Variants in PCDHA1 observed in about 807,000 individuals in gnomAD.
The protein encoded by PCDHA1 is protocadherin alpha 1.
Under a neutral mutation model 61.3 loss-of-function variants are expected in PCDHA1, and 42 were observed. The ratio of observed to expected loss-of-function variants is 0.69; its 90% confidence interval spans 0.54 to 0.89. PCDHA1 has a LOEUF of 0.89. PCDHA1 is among the 40% of genes least tolerant of loss of function. PCDHA1 has a pLI of 0.00. For missense variants in PCDHA1, 1,256 were observed against 1,235.3 expected (o/e 1.02, Z -0.25); for synonymous variants, 610 against 553.8 (o/e 1.10, Z -1.43).
intron 1 of PCDHA1, chr5:140,842,226 T>G (rs2150332205): frequency 6.2e-7 from 1 of 1,612,936 alleles, no homozygotes; most frequent in Non-Finnish European, 8.5e-7. Context: ...ACGGGAGAAA[T>G]AGTGATTCGG....
At chr5:140,837,793 C>T (rs1775259985) in intron 1 of PCDHA1, among the ~76,000 whole-genome samples, 1 of 151,820 alleles carries the variant, frequency 6.6e-6, no homozygotes, top group Admixed American at 6.6e-5. Flanking sequence ...CCTCCCATCT[C>T]AGCCTCTGGA....
chr5:140,822,889 A>G (rs1554128942), intron 1 of PCDHA1: 1 of 1,614,078 alleles, frequency 6.2e-7, no homozygotes, highest in East Asian at 2.2e-5. Flanking sequence ...TGCTCTGATC[A>G]GCGTGTCTGA....
In PCDHA1 at chr5:140,856,768, C is replaced by G; in HGVS notation, c.2394+68084C>G. 1.3e-6 allele frequency: 2 copies of G among 1,596,818 alleles called. 1 individual carries two copies. ...TAGATGCCAATGATAACGCCCCTAT[C>G]TTTGACAGACCGGTTTATGAAGTTA... On this transcript the variant is annotated intron_variant, in intron 1 of 3. Coordinates refer to ENST00000504120, the MANE Select transcript of PCDHA1 (RefSeq NM_018900.4).
At chr5:140,884,556 G>T in intron 1 of PCDHA1, 1 of 1,614,154 alleles carries the variant, frequency 6.2e-7, no homozygotes, top group Non-Finnish European at 8.5e-7. Context: ...TCTGGGGAGG[G>T]CCCGCATAAG....
At chr5:140,826,294 A>G (rs1305624310) in intron 1 of PCDHA1, among the ~76,000 whole-genome samples, 1 of 152,114 alleles carries the variant, frequency 6.6e-6, no homozygotes, top group African/African-American at 2.4e-5. Context: ...TGTCTTTTTT[A>G]TAGGAACCTC....
At chr5:140,909,312 A>AT (rs1365428416) in intron 1 of PCDHA1, among the ~76,000 whole-genome samples, 1 of 152,244 alleles carries the variant, frequency 6.6e-6, no homozygotes, top group Non-Finnish European at 1.5e-5. Context: ...AGAAAAAGGC[A>AT]TTTGCCAAAT....
chr5:140,926,424 G>A (rs894649962), intron 1 of PCDHA1: 2 of 153,468 alleles, frequency 1.3e-5, no homozygotes, highest in African/African-American at 4.8e-5. Context: ...AGAGGATGTG[G>A]AGGTTAAGAT....
intron 1 of PCDHA1, among the ~76,000 whole-genome samples, chr5:140,794,338 A>G (rs1761851092): frequency 6.6e-6 from 1 of 152,250 alleles, no homozygotes; most frequent in Non-Finnish European, 1.5e-5. Context: ...ACATGCTACA[A>G]CATGGATGAA....
intron 1 of PCDHA1, chr5:140,796,229 A>G: frequency 6.2e-7 from 1 of 1,614,180 alleles, no homozygotes; most frequent in Non-Finnish European, 8.5e-7. Flanking sequence ...TCAGCCTATG[A>G]GCTGGTGGTG....
At chr5:140,900,369 CTGGGT>C (rs1554189090) in intron 1 of PCDHA1, among the ~76,000 whole-genome samples, 2 of 152,158 alleles carry the variant, frequency 1.3e-5, no homozygotes, top group Non-Finnish European at 2.9e-5. Flanking sequence ...CCTCTGCCTC[CTGGGT>C]TCAAGCGATT....
chr5:140,807,962 A>T, intron 1 of PCDHA1: 1 of 1,614,066 alleles, frequency 6.2e-7, no homozygotes. Context: ...TCCTAATGGA[A>T]CATTGGTAAT....
At chr5:140,799,909 G>A (rs751160950) in intron 1 of PCDHA1, among the ~76,000 whole-genome samples, 1 of 151,916 alleles carries the variant, frequency 6.6e-6, no homozygotes, top group Non-Finnish European at 1.5e-5. Context: ...CAAATGCGGC[G>A]AGAATTCATG....
At chr5:140,941,239 C>CTTTCTTTCTTTCT in intron 1 of PCDHA1, among the ~76,000 whole-genome samples, 1 of 134,600 alleles carries the variant, frequency 7.4e-6, no homozygotes, top group South Asian at 2.4e-4. Flanking sequence ...TTCTTTCTTT[C>CTTTCTTTCTTTCT]TTTCTTTCTT....
intron 1 of PCDHA1, chr5:140,843,208 C>A: frequency 6.3e-7 from 1 of 1,596,004 alleles, no homozygotes; most frequent in South Asian, 1.1e-5. Context: ...TGTACACGGG[C>A]GAGATCAGCA....
intron 1 of PCDHA1, chr5:140,967,013 G>A: frequency 1.9e-6 from 3 of 1,606,874 alleles, no homozygotes; most frequent in Non-Finnish European, 2.5e-6. Flanking sequence ...CAACCATCTG[G>A]GTGCGCCCAG....
intron 1 of PCDHA1, among the ~76,000 whole-genome samples, chr5:140,826,351 C>A (rs1284883588): frequency 6.6e-6 from 1 of 151,972 alleles, no homozygotes; most frequent in African/African-American, 2.4e-5. Context: ...CCTTTGTTTG[C>A]CCAAAATAAC....
intron 1 of PCDHA1, among the ~76,000 whole-genome samples, chr5:140,944,925 A>T (rs1457519692): frequency 6.6e-6 from 1 of 152,158 alleles, no homozygotes; most frequent in African/African-American, 2.4e-5. Flanking sequence ...ATATTGGTTT[A>T]TGCCTTCTTT....
chr5:140,973,755 G>A (rs1442337323), intron 1 of PCDHA1, among the ~76,000 whole-genome samples: 1 of 152,234 alleles, frequency 6.6e-6, no homozygotes, highest in Admixed American at 6.5e-5. Flanking sequence ...ACTCTGCAGG[G>A]ACACAGCCTG....
intron 1 of PCDHA1, chr5:140,928,860 G>A: frequency 1.2e-6 from 2 of 1,614,154 alleles, no homozygotes; most frequent in Non-Finnish European, 1.7e-6. Flanking sequence ...GTGTGCTGTT[G>A]AGCAACTCTG....
Sources: allele counts gnomAD v4.1 joint callset (sites outside exome capture counted in the v4.1 genomes callset), GRCh38; gene constraint gnomAD v4.1.1; transcripts MANE v1.5; gene names NCBI Gene and HGNC (gene_info 2026-07-23, HGNC 2026-07-21).